Variants in ACYP2 observed in about 807,000 individuals in gnomAD.
The protein encoded by ACYP2 is acylphosphatase-2.
A neutral mutation model predicts 11.2 loss-of-function variants in ACYP2; 12 were observed. That is an observed-to-expected ratio of 1.08 (90% CI 0.69 to 1.74). The LOEUF (loss-of-function observed/expected upper bound fraction) is 1.74. ACYP2 is among the 40% of genes most tolerant of loss of function. The pLI, the probability that ACYP2 is intolerant of heterozygous loss-of-function variation, is 0.00. For missense variants in ACYP2, 134 were observed against 101.9 expected (o/e 1.31, Z -1.35); for synonymous variants, 43 against 32.2 (o/e 1.33, Z -1.13).
At chr2:54,259,458 A>G (rs1687688974) in intron 6 of ACYP2, among the ~76,000 whole-genome samples, 1 of 152,222 alleles carries the variant, frequency 6.6e-6, no homozygotes, top group African/African-American at 2.4e-5. Flanking sequence ...AACAGCAAGG[A>G]AGACTGAAGA....
chr2:54,293,799 A>G (rs1689411580), intron 6 of ACYP2, among the ~76,000 whole-genome samples: 1 of 152,242 alleles, frequency 6.6e-6, no homozygotes, highest in Admixed American at 6.5e-5. Context: ...CTGGATAATC[A>G]CTGAACTCAC....
At chr2:54,133,323 C>T (rs1681028963) in intron 4 of ACYP2, among the ~76,000 whole-genome samples, 1 of 152,188 alleles carries the variant, frequency 6.6e-6, no homozygotes, top group Non-Finnish European at 1.5e-5. Flanking sequence ...CTTTTTATTG[C>T]TGCAGCTGCA....
intron 6 of ACYP2, among the ~76,000 whole-genome samples, chr2:54,269,885 A>C (rs979986640): frequency 6.6e-5 from 10 of 152,126 alleles, no homozygotes; most frequent in Non-Finnish European, 1.2e-4. Context: ...CAAATTTTCC[A>C]GTTTCCATAA....
At chr2:54,137,327 T>C (rs1681307357) in intron 5 of ACYP2, among the ~76,000 whole-genome samples, 1 of 152,180 alleles carries the variant, frequency 6.6e-6, no homozygotes, top group African/African-American at 2.4e-5. Flanking sequence ...AGGTTTGTTA[T>C]ATAGGTAAAC....
chr2:54,239,276 G>C (rs1686629641), intron 6 of ACYP2, among the ~76,000 whole-genome samples: 1 of 152,098 alleles, frequency 6.6e-6, no homozygotes, highest in Non-Finnish European at 1.5e-5. Flanking sequence ...TGTCTCAAAG[G>C]GATCCTGCCT....
rs150295415 is a variant in ACYP2, at chr2:54,010,231, C to G, written c.62+36421C>G. Among the ~76,000 whole-genome samples, 7 of 152,258 alleles carry G rather than the reference C, an allele frequency of 4.6e-5. No individual in the cohort carries two copies. In the East Asian group the frequency reaches 1.4e-3, roughly 29 times the overall value. ...AGGCGCAGTGGCTCACACCTGTAATCCCAGCACTTTGGGAGGCCAAGGCAG... is the reference window on the plus strand; with the variant it reads ...AGGCGCAGTGGCTCACACCTGTAATGCCAGCACTTTGGGAGGCCAAGGCAG... On this transcript the variant is annotated intron_variant, in intron 2 of 6. Transcript: ENST00000607452.
chr2:54,163,028 T>G (rs1682794220), intron 6 of ACYP2, among the ~76,000 whole-genome samples: 1 of 152,196 alleles, frequency 6.6e-6, no homozygotes, highest in South Asian at 2.1e-4. Flanking sequence ...TTTGCTCGTT[T>G]TGGATTTGTC....
chr2:54,136,001 G>A (rs1448719491), intron 5 of ACYP2, among the ~76,000 whole-genome samples: 1 of 152,186 alleles, frequency 6.6e-6, no homozygotes, highest in Non-Finnish European at 1.5e-5. Context: ...AGGCTCAAGT[G>A]ATTCTCCTGC....
At chr2:54,115,563 G>C in intron 4 of ACYP2, 52 bp from the exon 1 acceptor site, 1 of 1,526,620 alleles carries the variant, frequency 6.6e-7, no homozygotes, top group Non-Finnish European at 8.8e-7. Flanking sequence ...CGTGACCCCG[G>C]CGCGCTAGCG....
chr2:53,990,144 A>G (rs1672218347), intron 2 of ACYP2, among the ~76,000 whole-genome samples: 1 of 151,550 alleles, frequency 6.6e-6, no homozygotes, highest in Non-Finnish European at 1.5e-5. Flanking sequence ...ACACCTGGCT[A>G]ATTTTTGTAT....
intron 6 of ACYP2, among the ~76,000 whole-genome samples, chr2:54,144,962 G>T (rs1018603402): frequency 6.6e-6 from 1 of 151,876 alleles, no homozygotes; most frequent in Admixed American, 6.6e-5. Flanking sequence ...GTTGTTTTTA[G>T]TTTTTTAAAG....
chr2:54,276,698 C>G (rs926635081), intron 6 of ACYP2, among the ~76,000 whole-genome samples: 1 of 151,060 alleles, frequency 6.6e-6, no homozygotes, highest in East Asian at 1.9e-4. Flanking sequence ...CCTTTAGGGA[C>G]TTTCTCAAAC....
chr2:54,221,768 C>G (rs370809696), intron 6 of ACYP2, among the ~76,000 whole-genome samples: 1 of 151,958 alleles, frequency 6.6e-6, no homozygotes, highest in Non-Finnish European at 1.5e-5. Context: ...GTGATCCACT[C>G]GCCTCAGCCT....
chr2:54,248,053 GTTT>G (rs113304231), intron 6 of ACYP2, among the ~76,000 whole-genome samples: 26 of 151,612 alleles, frequency 1.7e-4, no homozygotes, highest in African/African-American at 6.1e-4. Context: ...AAAGCCTGTT[GTTT>G]TTAACTTTTA....
At chr2:54,275,772 C>A (rs1236206559) in intron 6 of ACYP2, among the ~76,000 whole-genome samples, 1 of 152,126 alleles carries the variant, frequency 6.6e-6, no homozygotes, top group Admixed American at 6.5e-5. Context: ...GGAAAGTCAG[C>A]ACGTATTGCT....
intron 6 of ACYP2, among the ~76,000 whole-genome samples, chr2:54,256,705 G>A (rs565599309): frequency 1.3e-5 from 2 of 152,230 alleles, no homozygotes; most frequent in South Asian, 4.1e-4. Context: ...ACAATGGCAT[G>A]ATCTCAGCTC....
At chr2:54,204,122 G>A (rs1684972693) in intron 6 of ACYP2, among the ~76,000 whole-genome samples, 1 of 152,140 alleles carries the variant, frequency 6.6e-6, no homozygotes, top group South Asian at 2.1e-4. Context: ...AGCCTCCTGA[G>A]TAGCTGGGAC....
chr2:54,076,997 TA>T (rs941212048), intron 4 of ACYP2, among the ~76,000 whole-genome samples: 1 of 131,440 alleles, frequency 7.6e-6, no homozygotes, highest in Non-Finnish European at 1.7e-5. Flanking sequence ...TATTGAATTT[TA>T]CTAAAAACAC....
intron 6 of ACYP2, among the ~76,000 whole-genome samples, chr2:54,273,010 G>T (rs1337851855): frequency 6.6e-6 from 1 of 152,176 alleles, no homozygotes; most frequent in Non-Finnish European, 1.5e-5. Context: ...TCAAAGAATT[G>T]GGGTTAGGAA....
Sources: gnomAD v4.1 joint callset for allele counts (sites outside exome capture counted in the v4.1 genomes callset) on GRCh38, gnomAD v4.1.1 for gene constraint, MANE v1.5 for transcripts, NCBI Gene and HGNC (gene_info 2026-07-23, HGNC 2026-07-21) for gene names.